TMEM232: variants seen among roughly 807,000 people sequenced by gnomAD.
TMEM232 encodes the protein transmembrane protein 232.
A neutral mutation model predicts 78.8 loss-of-function variants in TMEM232; 80 were observed. The observed-to-expected ratio is 1.01, with a 90% CI of 0.85 to 1.22. The LOEUF (loss-of-function observed/expected upper bound fraction) is 1.22, where lower values mean the gene tolerates loss of function less well. Ranked by LOEUF, TMEM232 falls within the 50% of genes most tolerant of loss-of-function variation. TMEM232 has a pLI of 0.00. For missense variants in TMEM232, 881 were observed against 742.2 expected (o/e 1.19, Z -2.17); for synonymous variants, 297 against 254.3 (o/e 1.17, Z -1.60).
At chr5:110,591,253 T>C (rs1489978656) in intron 10 of TMEM232, among the ~76,000 whole-genome samples, 1 of 152,108 alleles carries the variant, frequency 6.6e-6, no homozygotes, top group Admixed American at 6.6e-5. Context: ...CCGCCAGGAG[T>C]TTGAGACCAG....
intron 3 of TMEM232, among the ~76,000 whole-genome samples, chr5:110,641,573 C>G (rs983177896): frequency 6.6e-6 from 1 of 152,096 alleles, no homozygotes; most frequent in Admixed American, 6.6e-5. Context: ...TACTCTTTTT[C>G]TAATCAAATT....
intron 1 of TMEM232, among the ~76,000 whole-genome samples, chr5:110,677,363 C>G (rs941261518): frequency 6.6e-6 from 1 of 151,728 alleles, no homozygotes; most frequent in Non-Finnish European, 1.5e-5. Flanking sequence ...TTGTGAGACA[C>G]CAAGCAGAGA....
At chr5:110,603,751 A>G (rs1324195996) in intron 10 of TMEM232, among the ~76,000 whole-genome samples, 1 of 152,192 alleles carries the variant, frequency 6.6e-6, no homozygotes, top group Non-Finnish European at 1.5e-5. Context: ...CACCAATAAA[A>G]AAATAAAAGC....
At chr5:110,626,434 T>C (rs1260144521) in intron 6 of TMEM232, among the ~76,000 whole-genome samples, 2 of 152,064 alleles carry the variant, frequency 1.3e-5, no homozygotes, top group African/African-American at 4.8e-5. Flanking sequence ...CTTATGCTAA[T>C]GGTACTAATT....
At chr5:110,509,708 T>C (rs1243851530) in intron 12 of TMEM232, among the ~76,000 whole-genome samples, 1 of 151,332 alleles carries the variant, frequency 6.6e-6, no homozygotes, top group African/African-American at 2.5e-5. Context: ...GTTTCTACTA[T>C]AAGTTCTTTA....
At chr5:110,634,893 T>C (rs1561426267) in intron 5 of TMEM232, among the ~76,000 whole-genome samples, 1 of 151,428 alleles carries the variant, frequency 6.6e-6, no homozygotes. Context: ...ACACAAAAGA[T>C]GAACAAAATG....
At chr5:110,443,894 C>T (rs751686989) in intron 12 of TMEM232, among the ~76,000 whole-genome samples, 5 of 152,096 alleles carry the variant, frequency 3.3e-5, no homozygotes, top group Non-Finnish European at 2.9e-5. Flanking sequence ...GCTAGGGCCT[C>T]GAATGGGAGT....
chr5:110,524,204 G>A (rs1295387402), intron 12 of TMEM232, among the ~76,000 whole-genome samples: 2 of 145,250 alleles, frequency 1.4e-5, no homozygotes, highest in African/African-American at 5.2e-5. Flanking sequence ...GGAGGTTGCA[G>A]TAAGCTGAGA....
chr5:110,732,973 T>C (rs1798821079), intron 2 of TMEM232, among the ~76,000 whole-genome samples: 1 of 152,006 alleles, frequency 6.6e-6, no homozygotes, highest in Admixed American at 6.6e-5. Flanking sequence ...AACAAATATA[T>C]ATGAAAACAA....
chr5:110,540,958 G>A (rs1453489404), intron 11 of TMEM232, among the ~76,000 whole-genome samples: 1 of 152,104 alleles, frequency 6.6e-6, no homozygotes, highest in East Asian at 1.9e-4. Context: ...GGGACTTAAC[G>A]CCTATAGCAC....
At chr5:110,440,526 TTATTC>T (rs1758913413) in intron 12 of TMEM232, among the ~76,000 whole-genome samples, 1 of 152,164 alleles carries the variant, frequency 6.6e-6, no homozygotes, top group Non-Finnish European at 1.5e-5. Context: ...GAAAATGTCT[TTATTC>T]TACCCTCATA....
chr5:110,668,874 G>C (rs1328746798), intron 1 of TMEM232, among the ~76,000 whole-genome samples: 1 of 152,150 alleles, frequency 6.6e-6, no homozygotes, highest in Non-Finnish European at 1.5e-5. Flanking sequence ...GCTCCTTAAT[G>C]ATTACTGGGT....
At chr5:110,609,072 T>G (rs542639441) in intron 8 of TMEM232, among the ~76,000 whole-genome samples, 1 of 152,220 alleles carries the variant, frequency 6.6e-6, no homozygotes, top group East Asian at 1.9e-4. Context: ...ATTTAAAAGT[T>G]TTCCTAGGTT....
At chr5:110,583,859 G>A (rs866910224) in intron 10 of TMEM232, among the ~76,000 whole-genome samples, 1 of 150,044 alleles carries the variant, frequency 6.7e-6, no homozygotes, top group South Asian at 2.1e-4. Flanking sequence ...AAACATAGAA[G>A]TAGCCAAATG....
chr5:110,456,283 A>G (rs1191699330), intron 12 of TMEM232, among the ~76,000 whole-genome samples: 1 of 151,710 alleles, frequency 6.6e-6, no homozygotes, highest in Non-Finnish European at 1.5e-5. Flanking sequence ...TAATAATTAG[A>G]AATTACAATA....
At chr5:110,443,470 C>T (rs1561501417) in intron 12 of TMEM232, among the ~76,000 whole-genome samples, 1 of 152,122 alleles carries the variant, frequency 6.6e-6, no homozygotes, top group Non-Finnish European at 1.5e-5. Flanking sequence ...TAGGACTCAC[C>T]TCTCAGTGCA....
chr5:110,640,670 A>C (rs1344584930), intron 4 of TMEM232, among the ~76,000 whole-genome samples: 5 of 152,190 alleles, frequency 3.3e-5, no homozygotes, highest in Admixed American at 6.5e-5. Flanking sequence ...AATAAAGACT[A>C]TGCTGAGTAA....
At chr5:110,521,193 C>G (rs1365945637) in intron 12 of TMEM232, among the ~76,000 whole-genome samples, 1 of 152,090 alleles carries the variant, frequency 6.6e-6, no homozygotes, top group Admixed American at 6.5e-5. Context: ...ACCTTTCTCT[C>G]TCATGGAATA....
chr5:110,582,582 C>T (rs1372737945), intron 10 of TMEM232, among the ~76,000 whole-genome samples: 2 of 151,846 alleles, frequency 1.3e-5, no homozygotes, highest in East Asian at 3.9e-4. Flanking sequence ...CTGGAGCTCA[C>T]TACCTGTACC....
Sources: allele counts gnomAD v4.1 joint callset (sites outside exome capture counted in the v4.1 genomes callset), GRCh38; gene constraint gnomAD v4.1.1; transcripts MANE v1.5; gene names NCBI Gene and HGNC (gene_info 2026-07-23, HGNC 2026-07-21).